SLC35F4: variants seen among roughly 807,000 people sequenced by gnomAD.
The protein encoded by SLC35F4 is solute carrier family 35 member F4.
A neutral mutation model predicts 44.2 loss-of-function variants in SLC35F4; 24 were observed. That is an observed-to-expected ratio of 0.54 (90% confidence interval 0.39 to 0.76). The LOEUF is 0.76. Among genes scored for constraint, SLC35F4 ranks in the 30% least tolerant of loss-of-function variants. SLC35F4 has a pLI of 0.00. For synonymous variants in SLC35F4, 238 were observed against 223.6 expected (o/e 1.06, Z -0.57); for missense variants, 562 against 586.1 (o/e 0.96, Z 0.42).
At chr14:57,754,348 A>AG (rs2076950820) in intron 1 of SLC35F4, among the ~76,000 whole-genome samples, 1 of 151,992 alleles carries the variant, frequency 6.6e-6, no homozygotes, top group Non-Finnish European at 1.5e-5. Context: ...CAGGTGATCC[A>AG]TCCACCTTGG....
At chr14:57,836,449 C>T (rs1425769109) in intron 1 of SLC35F4, among the ~76,000 whole-genome samples, 1 of 152,068 alleles carries the variant, frequency 6.6e-6, no homozygotes, top group Non-Finnish European at 1.5e-5. Flanking sequence ...TGCGCCATCA[C>T]ATCCAGCTAA....
intron 1 of SLC35F4, among the ~76,000 whole-genome samples, chr14:57,858,902 C>T (rs1887404176): frequency 6.8e-6 from 1 of 147,778 alleles, no homozygotes; most frequent in Admixed American, 6.8e-5. Context: ...AGTTTGAGAC[C>T]AGCCTGGGCA....
At chr14:57,645,963 G>A (rs553233566) in intron 1 of SLC35F4, among the ~76,000 whole-genome samples, 3 of 152,146 alleles carry the variant, frequency 2.0e-5, no homozygotes, top group Non-Finnish European at 4.4e-5. Context: ...TTGCATCCCA[G>A]GGATGAAGCC....
At chr14:57,969,013 T>C (rs1381075413) in intron 1 of SLC35F4, among the ~76,000 whole-genome samples, 1 of 152,208 alleles carries the variant, frequency 6.6e-6, no homozygotes, top group Non-Finnish European at 1.5e-5. Flanking sequence ...GAACTTTATA[T>C]TTAAAGATTA....
chr14:57,751,732 T>C (rs2076888369), intron 1 of SLC35F4, among the ~76,000 whole-genome samples: 2 of 152,290 alleles, frequency 1.3e-5, no homozygotes, highest in Admixed American at 6.5e-5. Flanking sequence ...ACATTAGTTC[T>C]CAAAAATTAT....
At chr14:57,805,485 T>G (rs1275545374) in intron 1 of SLC35F4, among the ~76,000 whole-genome samples, 2 of 152,138 alleles carry the variant, frequency 1.3e-5, no homozygotes, top group African/African-American at 2.4e-5. Flanking sequence ...TGGATGGAAT[T>G]GGAAGCCATT....
chr14:57,756,022 T>C (rs1187819738), intron 1 of SLC35F4, among the ~76,000 whole-genome samples: 1 of 152,226 alleles, frequency 6.6e-6, no homozygotes, highest in Non-Finnish European at 1.5e-5. Flanking sequence ...GCTAATCCAC[T>C]TCCCTTCATG....
chr14:57,755,875 G>A (rs748032552), intron 1 of SLC35F4, among the ~76,000 whole-genome samples: 1 of 152,192 alleles, frequency 6.6e-6, no homozygotes, highest in Non-Finnish European at 1.5e-5. Flanking sequence ...GCCATTAAGA[G>A]GCACTGCCAG....
intron 1 of SLC35F4, among the ~76,000 whole-genome samples, chr14:57,672,969 C>A (rs569508070): frequency 1.3e-5 from 2 of 151,648 alleles, no homozygotes; most frequent in Non-Finnish European, 2.9e-5. Flanking sequence ...GCTAATTTAA[C>A]ATTTTATTCA....
intron 1 of SLC35F4, among the ~76,000 whole-genome samples, chr14:57,905,090 A>G (rs1029799347): frequency 7.2e-5 from 11 of 152,178 alleles, no homozygotes; most frequent in African/African-American, 2.7e-4. Context: ...TTTTGGCTTG[A>G]GCCTCTCATG....
At chr14:57,881,829 C>T (rs1158228874) in intron 1 of SLC35F4, among the ~76,000 whole-genome samples, 1 of 152,102 alleles carries the variant, frequency 6.6e-6, no homozygotes, top group Non-Finnish European at 1.5e-5. Context: ...AAAGCTTAAT[C>T]AAATATATAA....
At chr14:57,702,986 C>T (rs570469451) in intron 1 of SLC35F4, among the ~76,000 whole-genome samples, 1 of 152,276 alleles carries the variant, frequency 6.6e-6, no homozygotes, top group East Asian at 1.9e-4. Context: ...CACATACACA[C>T]ATATTCTTTA....
rs774791408 is a variant in SLC35F4, at chr14:57,570,011, C to T, written c.934-31G>A. The T allele has an allele frequency of 3.2e-6, 5 of 1,556,624 alleles. No individual in the cohort carries two copies. In the Admixed American group the frequency reaches 5.9e-5, roughly 18 times the overall value. On this transcript the variant is annotated intron_variant, in intron 5 of 7. Coordinates refer to ENST00000556826, the MANE Select transcript of SLC35F4 (RefSeq NM_001306087.2). ...ATGAGAAAGAAACTCTACAGCCACA[C>T]AGAAACTTAGCCAGAGCAGAAACGT...
intron 1 of SLC35F4, among the ~76,000 whole-genome samples, chr14:57,959,794 CACAG>C (rs748247294): frequency 3.9e-5 from 6 of 152,268 alleles, no homozygotes; most frequent in African/African-American, 9.6e-5. Flanking sequence ...AAATGCCTGG[CACAG>C]ACAAAGAACC....
At chr14:57,905,981 T>C (rs1422886718) in intron 1 of SLC35F4, among the ~76,000 whole-genome samples, 1 of 152,018 alleles carries the variant, frequency 6.6e-6, no homozygotes, top group Non-Finnish European at 1.5e-5. Flanking sequence ...AGGAGGCTTG[T>C]ACCCAGGGCA....
rs536558657 is a variant in SLC35F4 at position 57,978,351 on chromosome 14, A to G, written n.152-1394T>C. Among the ~76,000 whole-genome samples, 6 of 152,300 alleles carry G rather than the reference A, an allele frequency of 3.9e-5. No individual in the cohort carries two copies. The South Asian group carries it at 1.2e-3, about 32-fold the overall frequency. On this transcript the variant is annotated intron_variant and non_coding_transcript_variant, in intron 1 of 1. Coordinates refer to the SLC35F4 transcript ENST00000554648. ...AATAGAATCGACACATACTTTGGATATGGGTTTGCCTTCCTGCCCACAGTG... is the reference window on the plus strand; with the variant it reads ...AATAGAATCGACACATACTTTGGATGTGGGTTTGCCTTCCTGCCCACAGTG...
chr14:57,740,490 T>G (rs1380877934), intron 1 of SLC35F4, among the ~76,000 whole-genome samples: 1 of 152,158 alleles, frequency 6.6e-6, no homozygotes, highest in Non-Finnish European at 1.5e-5. Flanking sequence ...TTACAGAGGC[T>G]GGGAAGGTTA....
intron 6 of SLC35F4, among the ~76,000 whole-genome samples, chr14:57,568,306 G>A (rs1164436501): frequency 1.3e-5 from 2 of 152,222 alleles, no homozygotes; most frequent in Non-Finnish European, 1.5e-5. Flanking sequence ...TATTGGATAT[G>A]CCAAGGAGTA....
chr14:57,759,889 T>TTTG (rs1555384545), intron 1 of SLC35F4, among the ~76,000 whole-genome samples: 1,681 of 152,022 alleles, frequency 0.011, 28 homozygotes, highest in African/African-American at 0.039. Context: ...TGTTTTTTTT[T>TTTG]TTTGTTTGCT....
Sources: gnomAD v4.1 joint callset for allele counts (sites outside exome capture counted in the v4.1 genomes callset) on GRCh38, gnomAD v4.1.1 for gene constraint, MANE v1.5 for transcripts, NCBI Gene and HGNC (gene_info 2026-07-23, HGNC 2026-07-21) for gene names.